Variants in MKLN1 observed in about 807,000 individuals in gnomAD.
The protein encoded by MKLN1 is muskelin 1, also known as muskelin.
MKLN1 carries 18 observed loss-of-function variants against 99.0 expected under a neutral mutation model. The observed-to-expected ratio is 0.18, with a 90% CI of 0.13 to 0.27. MKLN1 has a LOEUF of 0.27. Among genes scored for constraint, MKLN1 ranks in the 10% least tolerant of loss-of-function variants. MKLN1 has a pLI of 1.00. For synonymous variants in MKLN1, 288 were observed against 293.2 expected, an observed-to-expected ratio of 0.98 and a Z score of 0.18; for missense variants, 621 against 875.9, an observed-to-expected ratio of 0.71 and a Z score of 3.67.
At chr7:131,470,996 CCTAA>C in intron 16 of MKLN1, 52 bp downstream of exon 16, 1 of 1,274,340 alleles carries the variant, frequency 7.8e-7, no homozygotes, top group Non-Finnish European at 1.1e-6. Context: ...TAAATGTCTT[CCTAA>C]CTTATATTTA....
chr7:131,397,580 CTTA>C (rs1219792890), intron 5 of MKLN1, among the ~76,000 whole-genome samples: 1 of 152,154 alleles, frequency 6.6e-6, no homozygotes, highest in Non-Finnish European at 1.5e-5. Context: ...GACAGGTGCA[CTTA>C]TTATCCCCAT....
intron 1 of MKLN1, among the ~76,000 whole-genome samples, chr7:131,352,972 G>A (rs886234808): frequency 4.1e-4 from 63 of 152,120 alleles, no homozygotes; most frequent in African/African-American, 1.5e-3. Flanking sequence ...ATCTACATGT[G>A]TATCCATTCA....
intron 2 of MKLN1, among the ~76,000 whole-genome samples, chr7:131,192,601 G>A (rs1563247986): frequency 6.7e-6 from 1 of 149,824 alleles, no homozygotes; most frequent in Non-Finnish European, 1.5e-5. Context: ...GAGTGCAATG[G>A]CACGATCTTA....
intron 3 of MKLN1, among the ~76,000 whole-genome samples, chr7:131,226,396 C>T (rs1460727945): frequency 1.3e-5 from 2 of 152,192 alleles, no homozygotes; most frequent in African/African-American, 2.4e-5. Context: ...AACTGAGAAA[C>T]GCCATTAGGG....
intron 12 of MKLN1, among the ~76,000 whole-genome samples, chr7:131,450,533 T>C (rs989101752): frequency 2.6e-5 from 4 of 152,238 alleles, no homozygotes; most frequent in African/African-American, 9.6e-5. Flanking sequence ...ACAGACTCTT[T>C]TATGATGTGC....
chr7:131,142,416 A>C (rs1795748623), intron 1 of MKLN1, among the ~76,000 whole-genome samples: 1 of 151,078 alleles, frequency 6.6e-6, no homozygotes, highest in African/African-American at 2.4e-5. Flanking sequence ...ATTTCAAAAA[A>C]AAAAAATTAA....
chr7:131,416,850 G>A (rs1795031190), intron 8 of MKLN1, among the ~76,000 whole-genome samples: 3 of 151,862 alleles, frequency 2.0e-5, no homozygotes, highest in African/African-American at 7.3e-5. Context: ...GGATGTGGTG[G>A]TGTATGCCTG....
chr7:131,406,417 A>G (rs990077302), intron 6 of MKLN1, among the ~76,000 whole-genome samples: 3 of 152,034 alleles, frequency 2.0e-5, no homozygotes, highest in African/African-American at 7.2e-5. Flanking sequence ...AGGATTTAGT[A>G]GACTTTCAGC....
At chr7:131,463,508 C>T (rs373780497) in intron 13 of MKLN1, 144 bp downstream of exon 13, 20 of 805,714 alleles carry the variant, frequency 2.5e-5, no homozygotes, top group African/African-American at 3.5e-5. Context: ...AAATCAATAT[C>T]GGTACCTATG....
chr7:131,360,284 A>G (rs529432712), intron 1 of MKLN1, among the ~76,000 whole-genome samples: 5 of 152,240 alleles, frequency 3.3e-5, no homozygotes, highest in Admixed American at 2.0e-4. Flanking sequence ...CCATTCACAT[A>G]CAAATTGATT....
At chr7:131,328,307 G>A (rs931076210) in intron 1 of MKLN1, 4 of 327,578 alleles carry the variant, frequency 1.2e-5, no homozygotes, top group African/African-American at 2.2e-5. Flanking sequence ...GGAGGGCTTG[G>A]GGGGCGGACG....
rs11307215 is a variant in MKLN1, at chr7:131,246,643, C to CT, written c.-179+43682dup. On this transcript the variant is annotated intron_variant, in intron 3 of 7. Transcript: ENST00000416992. ...CTTCCTCCAATAAAGTGATTTTAGT[C>CT]TTTTTTTTTTTTTGACTAATTTTTT... 5.1e-3 allele frequency among the ~76,000 whole-genome samples: 738 copies of CT among 145,224 alleles called. 4 individuals carry two copies. Among genetic ancestry groups the CT allele is most frequent in the South Asian group, 0.02 (92 of 4,570 alleles).
chr7:131,437,756 A>G (rs377709308), intron 9 of MKLN1, 29 bp from the exon 10 acceptor site: 19 of 1,487,314 alleles, frequency 1.3e-5, no homozygotes, highest in Admixed American at 3.6e-5. Context: ...TTATTTGTTT[A>G]TTTATTTATT....
At chr7:131,333,385 A>ATTCC (rs1212863521) in intron 1 of MKLN1, among the ~76,000 whole-genome samples, 5 of 152,200 alleles carry the variant, frequency 3.3e-5, no homozygotes, top group South Asian at 4.1e-4. Flanking sequence ...AAAATTTATT[A>ATTCC]TGGATACATT....
intron 2 of MKLN1, among the ~76,000 whole-genome samples, chr7:131,183,319 T>G (rs962303863): frequency 6.6e-6 from 1 of 152,152 alleles, no homozygotes; most frequent in Admixed American, 6.5e-5. Flanking sequence ...ACTCTGAGAC[T>G]TAAGTGCTTT....
chr7:131,336,537 A>G lies in MKLN1; in HGVS notation c.98+8540A>G, dbSNP rs1380201428. On this transcript the variant is annotated intron_variant, in intron 1 of 17. Transcript: ENST00000352689. ...TTGTTGCCTTCTTTTGGATTAATCA[A>G]GTGTTTTAAAAATATTATTTTATTC... is the stretch of plus-strand genomic sequence containing the variant. 2.6e-5 allele frequency among the ~76,000 whole-genome samples: 4 copies of G among 151,936 alleles called. No individual in the cohort carries two copies. The East Asian group carries it at 5.8e-4, about 22-fold the overall frequency.
chr7:131,283,400 C>CCTCT (rs59038747), intron 3 of MKLN1, among the ~76,000 whole-genome samples: 2 of 99,088 alleles, frequency 2.0e-5, no homozygotes, highest in African/African-American at 8.1e-5. Flanking sequence ...TTCCTTCCTT[C>CCTCT]CTCTCTCTCT....
At chr7:131,481,538 A>C (rs1273613685) in intron 17 of MKLN1, among the ~76,000 whole-genome samples, 1 of 152,112 alleles carries the variant, frequency 6.6e-6, no homozygotes, top group Non-Finnish European at 1.5e-5. Flanking sequence ...TCTTGTCTCT[A>C]TTTTTTTAAA....
At chr7:131,444,590 C>A (rs955922985) in intron 11 of MKLN1, among the ~76,000 whole-genome samples, 1 of 151,592 alleles carries the variant, frequency 6.6e-6, no homozygotes, top group African/African-American at 2.4e-5. Context: ...TATATCTTTT[C>A]TTTTTACCCC....
Sources: gnomAD v4.1 joint callset for allele counts (sites outside exome capture counted in the v4.1 genomes callset) on GRCh38, gnomAD v4.1.1 for gene constraint, MANE v1.5 for transcripts, NCBI Gene and HGNC (gene_info 2026-07-23, HGNC 2026-07-21) for gene names.